Variants in SMYD4 observed in about 807,000 individuals in gnomAD.
SMYD4 encodes the protein protein-lysine N-methyltransferase SMYD4.
SMYD4 carries 68 observed loss-of-function variants against 72.8 expected under a neutral mutation model. The observed-to-expected ratio is 0.93, with a 90% CI of 0.77 to 1.14. The LOEUF (loss-of-function observed/expected upper bound fraction) is 1.14, where lower values mean the gene tolerates loss of function less well. SMYD4 is among the 50% of genes most tolerant of loss of function. The pLI is 0.00. For synonymous variants in SMYD4, 407 were observed against 388.6 expected, an observed-to-expected ratio of 1.05 and a Z score of -0.56; for missense variants, 984 against 1,003.7, an observed-to-expected ratio of 0.98 and a Z score of 0.27.
Position 1,800,166 on chromosome 17 carries a change from G to A in SMYD4, c.1228C>T (p.Pro410Ser). The A allele has an allele frequency of 6.2e-7, 1 of 1,610,872 alleles. No individual in the cohort carries two copies. The highest frequency in any genetic ancestry group is 8.5e-7 in the Non-Finnish European group (1 of 1,177,904). Residue 410 changes from proline (P) to serine (S), a missense_variant, in exon 5 of 11, where the codon CCT (proline) becomes TCT (serine). Physicochemically the swap from Pro to Ser is moderately conservative, Grantham distance 74. Coordinates refer to ENST00000305513, the MANE Select transcript of SMYD4 (RefSeq NM_052928.3). ...KNGNIVETPIPGCDINGKYEN... is the reference protein window; with the variant it reads ...KNGNIVETPISGCDINGKYEN... ...TACTTCCCATTAATATCGCATCCAGGAATTGGGGTCTCAACGATGTTGCCA... is the reference window on the plus strand; with the variant it reads ...TACTTCCCATTAATATCGCATCCAGAAATTGGGGTCTCAACGATGTTGCCA...
In SMYD4 at chr17:1,800,696, G is replaced by C. The variant is rs1157968614; in HGVS notation, c.698C>G (p.Ser233Ter). Residue 233 changes from serine (S) to a stop codon, truncating the protein, a stop_gained, in exon 5 of 11, where the codon TCA (serine) becomes TGA (stop). Transcript: ENST00000305513. LOFTEE classifies it high-confidence loss of function. ...EENEQLSNAS[S>*]SIGLCVDPLK... Reference sequence around the variant, plus strand: ...AGGATCTACGCATAAGCCGATGGATGATGAGGCATTGGAAAGTTGTTCATT... The same window carrying C: ...AGGATCTACGCATAAGCCGATGGATCATGAGGCATTGGAAAGTTGTTCATT... 6.2e-7 allele frequency: 1 copy of C among 1,614,230 alleles called. No individual in the cohort carries two copies.
At chr17:1,794,883 A>C (rs1039050782) in intron 5 of SMYD4, among the ~76,000 whole-genome samples, 1 of 152,138 alleles carries the variant, frequency 6.6e-6, no homozygotes, top group African/African-American at 2.4e-5. Flanking sequence ...CAGTCTTTCC[A>C]TTAAGAACAT....
rs1008736568 is a variant in SMYD4, at chr17:1,799,739, T to C, written c.1537+118A>G. ...TGTGACAATAAACAAGACAGCTTAG[T>C]GATCCCATTAGCTCAATGATTTGTT... On this transcript the variant is annotated intron_variant, in intron 5 of 10. Coordinates refer to ENST00000305513, the MANE Select transcript of SMYD4 (RefSeq NM_052928.3). 3.2e-5 allele frequency: 31 copies of C among 979,992 alleles called. No individual in the cohort carries two copies. The Middle Eastern group carries it at 1.3e-3, about 40-fold the overall frequency. 60.7% of individuals were successfully genotyped at this position (979,992 alleles called of 1,614,324 possible). A position where few individuals can be genotyped will look rare whatever the true frequency, so the allele number is the denominator to read the frequency against.
chr17:1,787,705 C>G, intron 5 of SMYD4, 101 bp from the exon 6 acceptor site: 2 of 1,207,744 alleles, frequency 1.7e-6, no homozygotes, highest in Non-Finnish European at 2.3e-6. Flanking sequence ...GGCCTGCAGC[C>G]CGTGTGAGTC....
At chr17:1,786,693 T>G (rs1597367187) in intron 7 of SMYD4, 117 bp downstream of exon 7, 1 of 1,211,966 alleles carries the variant, frequency 8.3e-7, no homozygotes, top group Non-Finnish European at 1.2e-6. Context: ...AAAATGGAGG[T>G]GATATTACTG....
chr17:1,787,778 C>T (rs918070410), intron 5 of SMYD4, among the ~76,000 whole-genome samples, 174 bp from the exon 6 acceptor site: 3 of 152,130 alleles, frequency 2.0e-5, no homozygotes, highest in African/African-American at 7.2e-5. Context: ...AGCTCCAGTC[C>T]CCAGGAAGCA....
chr17:1,827,085 G>A (rs1911218551), intron 2 of SMYD4, among the ~76,000 whole-genome samples: 1 of 152,044 alleles, frequency 6.6e-6, no homozygotes, highest in Non-Finnish European at 1.5e-5. Context: ...CCCAGGAGGT[G>A]GAGATTGCAG....
In SMYD4 at chr17:1,786,940, C is replaced by G. The variant is rs1380492778; in HGVS notation, c.1754G>C (p.Arg585Thr). 6.2e-7 allele frequency: 1 copy of G among 1,614,056 alleles called. No individual in the cohort carries two copies. Among genetic ancestry groups the G allele is most frequent in the East Asian group, 2.2e-5 (1 of 44,886 alleles). The change falls in exon 7 of 11, where the codon AGG (arginine) becomes ACG (threonine). Residue 585 changes from arginine (R) to threonine (T), a missense_variant. By Grantham distance (71) the Arg-to-Thr change is moderately conservative. Transcript: ENST00000305513. Reference protein sequence around the residue: ...PHKSRMGVAERQQKLRSQYFF... With the variant: ...PHKSRMGVAETQQKLRSQYFF... ...ATACTGAGACCTCAGCTTCTGCTGC[C>G]TTTCGGCAACCCCCATCCGGCTCTT... is the stretch of plus-strand genomic sequence containing the variant.
chr17:1,800,969 T>C lies in SMYD4; in HGVS notation c.425A>G (p.Gln142Arg), dbSNP rs1909714651. Residue 142 changes from glutamine to arginine, a missense_variant, in exon 5 of 11, where the codon CAA (glutamine) becomes CGA (arginine). By Grantham distance (43) the Gln-to-Arg change is conservative. Transcript: ENST00000305513. Reference sequence around the variant, plus strand: ...TGCTTTACGTAACATAATCTTGGGTTGCAACCTTTCTGGATACCCATGTGT... The same window carrying C: ...TGCTTTACGTAACATAATCTTGGGTCGCAACCTTTCTGGATACCCATGTGT... Reference protein sequence around the residue: ...AQTHGYPERLQPKIMLRKAEC... With the variant: ...AQTHGYPERLRPKIMLRKAEC... 1.9e-6 allele frequency: 3 copies of C among 1,613,928 alleles called. No individual in the cohort carries two copies.
At chr17:1,817,360 A>G (rs1459462381) in intron 2 of SMYD4, among the ~76,000 whole-genome samples, 3 of 151,182 alleles carry the variant, frequency 2.0e-5, no homozygotes, top group Non-Finnish European at 4.4e-5. Flanking sequence ...TTTTTGAGAC[A>G]AGGTCTTGCT....
At chr17:1,792,175 T>C (rs1909079266) in intron 5 of SMYD4, among the ~76,000 whole-genome samples, 1 of 151,936 alleles carries the variant, frequency 6.6e-6, no homozygotes, top group African/African-American at 2.4e-5. Context: ...CCAGAGTAGC[T>C]GGGACTACAG....
chr17:1,800,345 A>G lies in SMYD4; in HGVS notation c.1049T>C (p.Ile350Thr), dbSNP rs1367251665. The part of the protein sequence containing the change: ...LLLTLGVFCH[I>T]ALRLTLLVGF... ...CACCAAAAGAGTCAACCTCAGGGCA[A>G]TGTGGCAAAAGACACCCAGTGTGAG... Residue 350 changes from isoleucine to threonine, a missense_variant, in exon 5 of 11, where the codon ATT (isoleucine) becomes ACT (threonine). Transcript: ENST00000305513. 6.2e-7 allele frequency: 1 copy of G among 1,614,184 alleles called. No individual in the cohort carries two copies. The highest frequency in any genetic ancestry group is 8.5e-7 in the Non-Finnish European group (1 of 1,180,030).
intron 5 of SMYD4, among the ~76,000 whole-genome samples, chr17:1,791,390 A>G (rs72822462): frequency 1.3e-5 from 2 of 152,300 alleles, no homozygotes; most frequent in Admixed American, 6.5e-5. Context: ...TGCAAAGATA[A>G]TAACATACAT....
intron 2 of SMYD4, among the ~76,000 whole-genome samples, chr17:1,815,850 C>A (rs1910566045): frequency 6.6e-6 from 1 of 151,924 alleles, no homozygotes; most frequent in Admixed American, 6.6e-5. Flanking sequence ...CAGGCACCTG[C>A]CACCATGACC....
chr17:1,822,656 T>C (rs1270662898), intron 2 of SMYD4, among the ~76,000 whole-genome samples: 1 of 152,078 alleles, frequency 6.6e-6, no homozygotes, highest in Non-Finnish European at 1.5e-5. Flanking sequence ...AGACAGGGTT[T>C]CATTCACCAC....
chr17:1,828,828 C>G (rs1374481881), intron 1 of SMYD4, among the ~76,000 whole-genome samples: 4 of 152,060 alleles, frequency 2.6e-5, no homozygotes, highest in Non-Finnish European at 4.4e-5. Context: ...AACTCCTGAC[C>G]TCAGATGATC....
At chr17:1,822,145 A>AAT (rs901571515) in intron 2 of SMYD4, among the ~76,000 whole-genome samples, 2 of 151,616 alleles carry the variant, frequency 1.3e-5, no homozygotes, top group African/African-American at 4.9e-5. Context: ...GAGGCAAGAT[A>AAT]ATCACTTGAA....
At chr17:1,812,944 A>ATATTT (rs34141085) in intron 2 of SMYD4, among the ~76,000 whole-genome samples, 1 of 148,058 alleles carries the variant, frequency 6.8e-6, no homozygotes, top group Non-Finnish European at 1.5e-5. Flanking sequence ...ATCATAAAAG[A>ATATTT]TTTTTTTTTT....
At chr17:1,826,264 G>T (rs1019535035) in intron 2 of SMYD4, among the ~76,000 whole-genome samples, 2 of 151,964 alleles carry the variant, frequency 1.3e-5, no homozygotes, top group Admixed American at 6.6e-5. Context: ...AGGCCAAGGC[G>T]GGCGGATCAC....
Sources: gnomAD v4.1 joint callset for allele counts (sites outside exome capture counted in the v4.1 genomes callset) on GRCh38, gnomAD v4.1.1 for gene constraint, MANE v1.5 for transcripts, NCBI Gene and HGNC (gene_info 2026-07-23, HGNC 2026-07-21) for gene names.